RSPO3: variants seen among roughly 807,000 people sequenced by gnomAD.
RSPO3 encodes R-spondin 3, also known as R-spondin-3.
In RSPO3, 17 loss-of-function variants were observed where a neutral mutation model predicts 36.5. That is an observed-to-expected ratio of 0.47 (90% CI 0.32 to 0.70). RSPO3 has a LOEUF of 0.70. Among genes scored for constraint, RSPO3 ranks in the 30% least tolerant of loss-of-function variants. RSPO3 has a pLI of 0.04. For synonymous variants in RSPO3, 108 were observed against 107.0 expected (o/e 1.01, Z -0.06); for missense variants, 294 against 322.5 (o/e 0.91, Z 0.68).
chr6:127,126,707 CT>C (rs1016066921), intron 1 of RSPO3, among the ~76,000 whole-genome samples: 1 of 152,066 alleles, frequency 6.6e-6, no homozygotes, highest in African/African-American at 2.4e-5. Context: ...TAGCGTTCTA[CT>C]TTTAAGTAGA....
intron 1 of RSPO3, among the ~76,000 whole-genome samples, chr6:127,126,189 G>T (rs1271129198): frequency 2.0e-5 from 3 of 152,018 alleles, no homozygotes; most frequent in African/African-American, 7.2e-5. Context: ...CTTTTGAGGA[G>T]CCAGTAGGAC....
rs1055054926 is a variant in RSPO3, at chr6:127,197,111, A to G, written c.*1104A>G. 1.8e-5 allele frequency: 4 copies of G among 224,484 alleles called. No homozygotes were observed. The highest frequency in any genetic ancestry group is 3.5e-5 in the Non-Finnish European group (4 of 112,994). 13.9% of individuals were successfully genotyped at this position (224,484 alleles called of 1,614,324 possible). A position where few individuals can be genotyped will look rare whatever the true frequency, so the allele number is the denominator to read the frequency against. On this transcript the variant is annotated 3_prime_UTR_variant, in exon 5 of 5. Transcript: ENST00000356698. The stretch of plus-strand genomic sequence containing the variant: ...CTCTTAGAGACTCATGAATTAAGAA[A>G]GAGAATTCTGCTAACTCAGAGAACC...
At chr6:127,134,529 A>AT (rs1774115858) in intron 1 of RSPO3, among the ~76,000 whole-genome samples, 2 of 152,196 alleles carry the variant, frequency 1.3e-5, no homozygotes, top group Non-Finnish European at 2.9e-5. Context: ...AAGTCAATCT[A>AT]CTTAAAGCAC....
intron 2 of RSPO3, among the ~76,000 whole-genome samples, chr6:127,149,943 A>C (rs1774456639): frequency 6.6e-6 from 1 of 151,952 alleles, no homozygotes; most frequent in Non-Finnish European, 1.5e-5. Context: ...TAGGATGTAA[A>C]CTTTCTGAAG....
chr6:127,154,539 G>C (rs1220399622), intron 3 of RSPO3, among the ~76,000 whole-genome samples: 2 of 152,142 alleles, frequency 1.3e-5, no homozygotes, highest in Non-Finnish European at 2.9e-5. Context: ...ACATATAATA[G>C]ATGCCGCTAT....
At chr6:127,148,923 T>C (rs1245968039) in intron 2 of RSPO3, 84 bp downstream of exon 2, 1 of 1,018,044 alleles carries the variant, frequency 9.8e-7, no homozygotes, top group Non-Finnish European at 1.4e-6. Flanking sequence ...ATTTGTGATA[T>C]TCAATGTTAA....
chr6:127,124,288 T>G (rs2114535882), intron 1 of RSPO3, among the ~76,000 whole-genome samples: 1 of 152,172 alleles, frequency 6.6e-6, no homozygotes, highest in Non-Finnish European at 1.5e-5. Context: ...CACTCACATA[T>G]CCCATCCCCA....
intron 3 of RSPO3, among the ~76,000 whole-genome samples, chr6:127,153,351 C>T (rs555324784): frequency 2.7e-5 from 4 of 150,784 alleles, no homozygotes; most frequent in Non-Finnish European, 4.4e-5. Context: ...TTTCAGTTTT[C>T]ATTTTTTTTA....
intron 4 of RSPO3, among the ~76,000 whole-genome samples, chr6:127,194,544 A>T (rs1440122607): frequency 6.6e-6 from 1 of 152,352 alleles, no homozygotes; most frequent in South Asian, 2.1e-4. Context: ...ATAATAAAAC[A>T]TCTAGTTAAT....
intron 4 of RSPO3, among the ~76,000 whole-genome samples, chr6:127,180,204 C>A (rs960052016): frequency 6.6e-5 from 10 of 151,672 alleles, no homozygotes; most frequent in African/African-American, 2.4e-4. Flanking sequence ...CATTGAGAAG[C>A]AACATCAATA....
chr6:127,195,788 A>G (rs1244546184), intron 4 of RSPO3, 35 bp from the exon 5 acceptor site: 17 of 1,358,600 alleles, frequency 1.3e-5, no homozygotes, highest in Admixed American at 2.8e-5. Flanking sequence ...AACATAATTG[A>G]ATGTAATTTT....
intron 4 of RSPO3, among the ~76,000 whole-genome samples, chr6:127,164,505 A>G (rs765064254): frequency 5.9e-5 from 9 of 151,802 alleles, no homozygotes; most frequent in African/African-American, 2.2e-4. Context: ...TATTTTAACT[A>G]TTTTTTTCTA....
intron 1 of RSPO3, among the ~76,000 whole-genome samples, chr6:127,139,472 T>A (rs1774225592): frequency 2.6e-5 from 4 of 152,176 alleles, no homozygotes; most frequent in Admixed American, 2.6e-4. Flanking sequence ...TCATGCGGAT[T>A]CATTACCATT....
At chr6:127,134,927 T>C (rs920398434) in intron 1 of RSPO3, among the ~76,000 whole-genome samples, 1 of 152,192 alleles carries the variant, frequency 6.6e-6, no homozygotes. Context: ...ACACCCTGCT[T>C]TTCATTAAGC....
chr6:127,139,221 C>T (rs542186137), intron 1 of RSPO3, among the ~76,000 whole-genome samples: 3 of 152,256 alleles, frequency 2.0e-5, no homozygotes, highest in South Asian at 2.1e-4. Flanking sequence ...ATACATAAAG[C>T]TGGAGTTTTT....
At chr6:127,120,320 C>A (rs534840119) in intron 1 of RSPO3, among the ~76,000 whole-genome samples, 1 of 152,146 alleles carries the variant, frequency 6.6e-6, no homozygotes, top group African/African-American at 2.4e-5. Flanking sequence ...CATGGGGAGT[C>A]CTTTCGCAGA....
intron 4 of RSPO3, among the ~76,000 whole-genome samples, chr6:127,160,558 C>G (rs1391111840): frequency 6.6e-6 from 1 of 152,200 alleles, no homozygotes. Context: ...AGAGGAAGTT[C>G]TGCAGTCACA....
At chr6:127,131,280 G>C (rs568747349) in intron 1 of RSPO3, among the ~76,000 whole-genome samples, 1 of 152,180 alleles carries the variant, frequency 6.6e-6, no homozygotes, top group African/African-American at 2.4e-5. Flanking sequence ...GAGAGTTGCA[G>C]CAAGAGAACC....
chr6:127,159,766 A>G (rs1432128148), intron 4 of RSPO3, among the ~76,000 whole-genome samples: 2 of 147,794 alleles, frequency 1.4e-5, no homozygotes, highest in East Asian at 4.0e-4. Context: ...CTCCTGTCTC[A>G]GTCTCCTGAG....
Sources: gnomAD v4.1 joint callset for allele counts (sites outside exome capture counted in the v4.1 genomes callset) on GRCh38, gnomAD v4.1.1 for gene constraint, MANE v1.5 for transcripts, NCBI Gene and HGNC (gene_info 2026-07-23, HGNC 2026-07-21) for gene names.